TTI1: variants seen among roughly 807,000 people sequenced by gnomAD.
TTI1 encodes the protein TELO2 interacting protein 1.
A neutral mutation model predicts 85.4 loss-of-function variants in TTI1; 52 were observed. The ratio of observed to expected loss-of-function variants is 0.61; its 90% CI spans 0.49 to 0.77. TTI1 has a LOEUF of 0.77. Ranked by LOEUF, TTI1 falls within the 30% of genes least tolerant of loss-of-function variation. TTI1 has a pLI of 0.00. For synonymous variants in TTI1, 512 were observed against 503.9 expected, an observed-to-expected ratio of 1.02 and a Z score of -0.22; for missense variants, 1,173 against 1,296.0, an observed-to-expected ratio of 0.91 and a Z score of 1.46.
Position 38,013,458 on chromosome 20 carries a change from T to G in TTI1, c.359A>C (p.Lys120Thr), listed in dbSNP as rs777971626. The G allele has an allele frequency of 6.2e-7, 1 of 1,613,856 alleles. No homozygotes were observed. Among genetic ancestry groups the G allele is most frequent in the Non-Finnish European group, 8.5e-7 (1 of 1,180,024 alleles). Reference sequence around the variant, plus strand: ...GCTAAGTCCCTGGATCACAGCCAATTTCAACTCCTCGGACACAGCCGCAGG... The same window carrying G: ...GCTAAGTCCCTGGATCACAGCCAATGTCAACTCCTCGGACACAGCCGCAGG... ...QKPAAVSEEL[K>T]LAVIQGLSTL... The change falls in exon 2 of 8, where the codon AAA (lysine) becomes ACA (threonine). Residue 120 changes from lysine (K) to threonine (T), a missense_variant. Lys to Thr is a moderately conservative substitution (Grantham distance 78). Coordinates refer to ENST00000373447, the MANE Select transcript of TTI1 (RefSeq NM_001303457.2).
rs1325922937 is a variant in TTI1 at position 38,012,424 on chromosome 20, T to C, written c.1393A>G (p.Thr465Ala). The C allele has an allele frequency of 2.5e-6, 4 of 1,614,140 alleles. No homozygotes were observed. Among genetic ancestry groups the C allele is most frequent in the African/African-American group, 2.7e-5 (2 of 74,936 alleles). The change falls in exon 2 of 8, where the codon ACA becomes GCA. Residue 465 changes from threonine to alanine, a missense_variant. By Grantham distance (58) the Thr-to-Ala change is moderately conservative. Coordinates refer to ENST00000373447, the MANE Select transcript of TTI1 (RefSeq NM_001303457.2). ...CTCTGGATGCGGTTCCAAGGCTGTG[T>C]GGCTGAGGTCTTTGGAGAAGCATTC... is the stretch of plus-strand genomic sequence containing the variant. ...DLNASPKTSA[T>A]QPWNRIQRRY...
chr20:38,025,286 C>T (rs778616527), intron 1 of TTI1, among the ~76,000 whole-genome samples: 7 of 152,154 alleles, frequency 4.6e-5, no homozygotes, highest in Non-Finnish European at 8.8e-5. Flanking sequence ...AAAAGACAAT[C>T]GGTATGCCGT....
chr20:38,000,037 C>A (rs2073399173), intron 4 of TTI1, among the ~76,000 whole-genome samples: 1 of 152,092 alleles, frequency 6.6e-6, no homozygotes, highest in Non-Finnish European at 1.5e-5. Flanking sequence ...ATGAGAGGAG[C>A]AAAGTGATGT....
chr20:37,999,179 G>A lies in TTI1; in HGVS notation c.2793+9C>T, dbSNP rs77962350. On this transcript the variant is annotated intron_variant, in intron 5 of 7. Transcript: ENST00000373447. ...TCACAACAGACCATGGGGGATGCTG[G>A]TGCAGTACCTTGAAGGCTCTAAGCA... The A allele has an allele frequency of 1.9e-3, 2,715 of 1,415,664 alleles. 46 individuals are homozygous for A. In the African/African-American group the frequency reaches 0.033, roughly 17 times the overall value. 87.7% of individuals were successfully genotyped at this position (1,415,664 alleles called of 1,614,324 possible). A position where few individuals can be genotyped will look rare whatever the true frequency, so the allele number is the denominator to read the frequency against.
chr20:37,993,731 C>T (rs904680505), intron 7 of TTI1, among the ~76,000 whole-genome samples: 1 of 152,244 alleles, frequency 6.6e-6, no homozygotes, highest in African/African-American at 2.4e-5. Flanking sequence ...GCAAGCTGGT[C>T]ATCTGCCTAG....
chr20:37,990,398 T>C (rs539844110), intron 7 of TTI1, among the ~76,000 whole-genome samples: 2 of 152,368 alleles, frequency 1.3e-5, no homozygotes, highest in African/African-American at 4.8e-5. Flanking sequence ...ATAACATACA[T>C]GCTTTTTTCG....
chr20:38,016,343 C>A (rs1161288120), intron 1 of TTI1, among the ~76,000 whole-genome samples: 8 of 152,190 alleles, frequency 5.3e-5, no homozygotes, highest in Admixed American at 5.2e-4. Flanking sequence ...CAGAGGGTGT[C>A]TTGTAAAATC....
At chr20:38,032,810 G>A (rs1466374560) in intron 1 of TTI1, among the ~76,000 whole-genome samples, 4 of 152,140 alleles carry the variant, frequency 2.6e-5, no homozygotes, top group African/African-American at 4.8e-5. Context: ...CTCCCAAAGG[G>A]TTGGGATTAC....
chr20:38,024,588 G>A (rs1332370709), intron 1 of TTI1, among the ~76,000 whole-genome samples: 4 of 152,164 alleles, frequency 2.6e-5, no homozygotes, highest in African/African-American at 9.7e-5. Context: ...AGCCAAAGGA[G>A]TAGGGGAATG....
At chr20:37,994,380 G>A (rs549622047) in intron 7 of TTI1, among the ~76,000 whole-genome samples, 1 of 152,282 alleles carries the variant, frequency 6.6e-6, no homozygotes, top group African/African-American at 2.4e-5. Context: ...TGATCTGCCT[G>A]CCTCAGACTC....
At chr20:38,019,866 G>C (rs934319707) in intron 1 of TTI1, among the ~76,000 whole-genome samples, 2 of 152,160 alleles carry the variant, frequency 1.3e-5, no homozygotes, top group Non-Finnish European at 2.9e-5. Flanking sequence ...GCTGCTAGTA[G>C]CACCAACCCA....
At chr20:38,000,571 A>G (rs143872210) in intron 4 of TTI1, 1 of 151,734 alleles carries the variant, frequency 6.6e-6, no homozygotes, top group African/African-American at 2.4e-5. Context: ...AAGCCGGCCA[A>G]CACAAAGCAG....
intron 4 of TTI1, among the ~76,000 whole-genome samples, chr20:38,001,208 T>C (rs1015757408): frequency 1.3e-5 from 2 of 152,172 alleles, no homozygotes; most frequent in African/African-American, 4.8e-5. Flanking sequence ...TGAATGAGTG[T>C]ATGTGTCTTA....
Position 38,012,323 on chromosome 20 carries a change from A to T in TTI1, c.1494T>A (p.Tyr498Ter). 1 of 1,614,194 alleles carries T rather than the reference A, an allele frequency of 6.2e-7. No individual in the cohort carries two copies. Among genetic ancestry groups the T allele is most frequent in the Non-Finnish European group, 8.5e-7 (1 of 1,180,046 alleles). The change falls in exon 2 of 8, where the codon TAT becomes TAA. Residue 498 changes from tyrosine to a stop codon, truncating the protein, a stop_gained. Coordinates refer to ENST00000373447, the MANE Select transcript of TTI1 (RefSeq NM_001303457.2). LOFTEE classifies it high-confidence loss of function. ...GATCCACAAGCAAATAAAGATTCCCATAATAACCAAGTAGCTGACAAACCT... is the reference window on the plus strand; with the variant it reads ...GATCCACAAGCAAATAAAGATTCCCTTAATAACCAAGTAGCTGACAAACCT... ...LRQVCQLLGY[Y>*]GNLYLLVDHF...
At chr20:38,021,863 C>G (rs1164516222) in intron 1 of TTI1, among the ~76,000 whole-genome samples, 2 of 152,126 alleles carry the variant, frequency 1.3e-5, no homozygotes, top group Non-Finnish European at 2.9e-5. Flanking sequence ...ACAATCTGTA[C>G]AGGAGACGGT....
intron 2 of TTI1, among the ~76,000 whole-genome samples, chr20:38,007,461 C>T (rs1474578298): frequency 1.3e-5 from 2 of 152,148 alleles, no homozygotes; most frequent in South Asian, 2.1e-4. Flanking sequence ...CACCAAGAGA[C>T]GGTGGGCTAC....
At chr20:38,031,277 A>G (rs1168420073) in intron 1 of TTI1, among the ~76,000 whole-genome samples, 1 of 152,222 alleles carries the variant, frequency 6.6e-6, no homozygotes, top group African/African-American at 2.4e-5. Flanking sequence ...ACTATTGCCT[A>G]CAAGTCACCA....
chr20:38,021,287 C>A (rs1333486278), intron 1 of TTI1, among the ~76,000 whole-genome samples: 1 of 152,190 alleles, frequency 6.6e-6, no homozygotes, highest in Non-Finnish European at 1.5e-5. Context: ...TTTGACATGA[C>A]TATAAAAGGC....
chr20:38,030,036 A>G (rs964543364), intron 1 of TTI1, among the ~76,000 whole-genome samples: 1 of 152,242 alleles, frequency 6.6e-6, no homozygotes, highest in Non-Finnish European at 1.5e-5. Flanking sequence ...AGCAACAGAA[A>G]ACAAAGACAG....
Sources: gnomAD v4.1 joint callset for allele counts (sites outside exome capture counted in the v4.1 genomes callset) on GRCh38, gnomAD v4.1.1 for gene constraint, MANE v1.5 for transcripts, NCBI Gene and HGNC (gene_info 2026-07-23, HGNC 2026-07-21) for gene names.